Variants in TMEM201 observed in about 807,000 individuals in gnomAD.
TMEM201 encodes transmembrane protein 201.
Under a neutral mutation model 63.4 loss-of-function variants are expected in TMEM201, and 26 were observed. That is an observed-to-expected ratio of 0.41 (90% confidence interval 0.30 to 0.57). The LOEUF is 0.57. Ranked by LOEUF, TMEM201 falls within the 20% of genes least tolerant of loss-of-function variation. The pLI is 0.29. For missense variants in TMEM201, 794 were observed against 917.7 expected, an observed-to-expected ratio of 0.87 and a Z score of 1.74; for synonymous variants, 417 against 421.6, an observed-to-expected ratio of 0.99 and a Z score of 0.14.
At position 9,598,599 on chromosome 1, in the gene TMEM201, C is replaced by T. The variant is rs140267928; in HGVS notation, c.580C>T (p.Arg194Trp). ...ALLLSHQFKR[R>W]EADQTHAQNF... Reference sequence around the variant, plus strand: ...GTTGCTCAGCCACCAGTTCAAGCGCCGGGAGGCCGACCAGACCCACGCACA... The same window carrying T: ...GTTGCTCAGCCACCAGTTCAAGCGCTGGGAGGCCGACCAGACCCACGCACA... The change falls in exon 4 of 11, where the codon CGG becomes TGG. Residue 194 changes from arginine to tryptophan, a missense_variant. Transcript: ENST00000340381. 990 of 1,613,124 alleles carry T rather than the reference C, an allele frequency of 6.1e-4. 2 individuals are homozygous for T. Among genetic ancestry groups the T allele is most frequent in the Non-Finnish European group, 8.0e-4 (945 of 1,179,946 alleles).
intron 1 of TMEM201, among the ~76,000 whole-genome samples, chr1:9,590,051 A>G (rs1300107064): frequency 6.6e-6 from 1 of 152,188 alleles, no homozygotes; most frequent in Non-Finnish European, 1.5e-5. Context: ...AAAGAAGTAC[A>G]GGTGGTTGAG....
chr1:9,599,777 A>AT (rs1386083140), intron 4 of TMEM201, among the ~76,000 whole-genome samples: 1 of 151,438 alleles, frequency 6.6e-6, no homozygotes, highest in African/African-American at 2.4e-5. Flanking sequence ...CACCTGGCTA[A>AT]TTTTTTGTAT....
chr1:9,593,921 A>C (rs955822868), intron 1 of TMEM201, among the ~76,000 whole-genome samples: 3 of 152,236 alleles, frequency 2.0e-5, no homozygotes, highest in African/African-American at 7.2e-5. Context: ...AGTAATTAGC[A>C]CAGGGAAGTC....
At chr1:9,593,043 A>C (rs1036650297) in intron 1 of TMEM201, among the ~76,000 whole-genome samples, 2 of 152,150 alleles carry the variant, frequency 1.3e-5, no homozygotes, top group African/African-American at 4.8e-5. Flanking sequence ...TTAAGGACGG[A>C]GGTTGTTGGC....
intron 6 of TMEM201, chr1:9,602,883 C>A: frequency 1.0e-6 from 1 of 985,638 alleles, no homozygotes; most frequent in East Asian, 1.1e-4. Context: ...GTGAAGGAGG[C>A]CGAGCTGCAG....
chr1:9,604,420 G>A lies in TMEM201; in HGVS notation c.1160+2148G>A. On this transcript the variant is annotated intron_variant, in intron 6 of 10. Transcript: ENST00000340381. This position sits in a 1 kb window ranked among gnomAD's most constrained non-coding sequence, Gnocchi z 4.1. ...GTGTGACTTTTTAAATTATTCATGT[G>A]TCCCTTAAAAGTTTCACTACGTGGA... is the stretch of plus-strand genomic sequence containing the variant. 1 of 985,388 alleles carries A rather than the reference G, an allele frequency of 1.0e-6. No individual in the cohort carries two copies. Among genetic ancestry groups the A allele is most frequent in the Non-Finnish European group, 1.2e-6 (1 of 829,928 alleles). The allele number at this position is 985,388 out of a possible 1,614,324, so 61.0% of individuals were successfully genotyped here.
chr1:9,600,932 C>T (rs545289608), intron 4 of TMEM201, among the ~76,000 whole-genome samples, 173 bp from the exon 5 acceptor site: 1 of 152,248 alleles, frequency 6.6e-6, no homozygotes, highest in African/African-American at 2.4e-5. Flanking sequence ...AGCAGCACTC[C>T]TCCCCGCCCA....
Position 9,602,264 on chromosome 1 carries a change from G to T in TMEM201, c.1152G>T (p.Arg384=). 1 of 1,611,246 alleles carries T rather than the reference G, an allele frequency of 6.2e-7. No individual in the cohort carries two copies. The change falls in exon 6 of 11, where the codon CGG becomes CGT. Residue 384 remains arginine (R), a synonymous_variant. Transcript: ENST00000340381. ...TRKATGPRRF[R]PRRFFPGDSA... Reference sequence around the variant, plus strand: ...AGGCAACGGGCCCACGGAGGTTCCGGCCCCGAAGGTCAGAGAAGCAGCCAT... The same window carrying T: ...AGGCAACGGGCCCACGGAGGTTCCGTCCCCGAAGGTCAGAGAAGCAGCCAT...
intron 4 of TMEM201, among the ~76,000 whole-genome samples, chr1:9,600,786 G>C (rs976959218): frequency 1.3e-5 from 2 of 152,166 alleles, no homozygotes; most frequent in Admixed American, 6.5e-5. Flanking sequence ...TGAGTGTGGT[G>C]GTGGGCGCCT....
intron 7 of TMEM201, among the ~76,000 whole-genome samples, chr1:9,609,331 G>A (rs1474778021): frequency 6.6e-6 from 1 of 152,228 alleles, no homozygotes; most frequent in African/African-American, 2.4e-5. Context: ...TTGGAATTGG[G>A]GCCCCTGCCC....
rs1347373168 is a variant in TMEM201, at chr1:9,604,300, G to T, written c.1160+2028G>T. The T allele has an allele frequency of 2.0e-6, 2 of 985,314 alleles. No homozygotes were observed. Among genetic ancestry groups the T allele is most frequent in the Non-Finnish European group, 2.4e-6 (2 of 829,942 alleles). 61.0% of individuals were successfully genotyped at this position (985,314 alleles called of 1,614,324 possible). A position where few individuals can be genotyped will look rare whatever the true frequency, so the allele number is the denominator to read the frequency against. On this transcript the variant is annotated intron_variant, in intron 6 of 10. Coordinates refer to ENST00000340381, the MANE Select transcript of TMEM201 (RefSeq NM_001130924.3). The surrounding 1 kb of genome is among the most constrained non-coding windows in gnomAD (Gnocchi z 4.1). ...GCGCTGGCCAGGATCCTCCTGCCGAGCTGATGTCGCTCCTGCCCTCTGCCG... is the reference window on the plus strand; with the variant it reads ...GCGCTGGCCAGGATCCTCCTGCCGATCTGATGTCGCTCCTGCCCTCTGCCG...
In TMEM201 at chr1:9,607,518, T is replaced by A. The variant is rs947773852; in HGVS notation, c.1161-39T>A. 6.7e-7 allele frequency: 1 copy of A among 1,499,694 alleles called. No individual in the cohort carries two copies. The highest frequency in any genetic ancestry group is 2.0e-5 in the Admixed American group (1 of 49,328). 92.9% of individuals were successfully genotyped at this position (1,499,694 alleles called of 1,614,324 possible). On this transcript the variant is annotated intron_variant, in intron 6 of 10. Coordinates refer to ENST00000340381, the MANE Select transcript of TMEM201 (RefSeq NM_001130924.3). This position sits in a 1 kb window ranked among gnomAD's most constrained non-coding sequence, Gnocchi z 5.4. ...CAAGGCTGCCTCCAGGACCTCCCGC[T>A]GACCCTCTTCTTGTCCCGTGCCTGA...
At chr1:9,598,847 C>T (rs114126471) in intron 4 of TMEM201, among the ~76,000 whole-genome samples, 4,767 of 152,094 alleles carry the variant, frequency 0.031, 246 homozygotes, top group African/African-American at 0.11. Context: ...CGGGGTTTCT[C>T]CGTGTTGTTC....
At chr1:9,596,274 A>G (rs1334540580) in intron 2 of TMEM201, among the ~76,000 whole-genome samples, 1 of 152,182 alleles carries the variant, frequency 6.6e-6, no homozygotes, top group African/African-American at 2.4e-5. Context: ...ACACCACTAA[A>G]AGTGGCAGAT....
intron 1 of TMEM201, among the ~76,000 whole-genome samples, chr1:9,589,255 A>C (rs2100433921): frequency 6.6e-6 from 1 of 151,032 alleles, no homozygotes; most frequent in Non-Finnish European, 1.5e-5. Flanking sequence ...GACTCCGGGA[A>C]CGTGGGGCGC....
Position 9,596,017 on chromosome 1 carries a change from G to A in TMEM201, c.234+7G>A, listed in dbSNP as rs970468414. ...GTACAACGGCTTCCAGGAGGTGTGGGTCACAGGCAGGCGGACGGGTGGGCA... is the reference window on the plus strand; with the variant it reads ...GTACAACGGCTTCCAGGAGGTGTGGATCACAGGCAGGCGGACGGGTGGGCA... On this transcript the variant is annotated splice_region_variant and intron_variant, in intron 2 of 10. Coordinates refer to ENST00000340381, the MANE Select transcript of TMEM201 (RefSeq NM_001130924.3). 15 of 1,611,482 alleles carry A rather than the reference G, an allele frequency of 9.3e-6. No individual in the cohort carries two copies. The highest frequency in any genetic ancestry group is 1.3e-5 in the Non-Finnish European group (15 of 1,179,856).
Position 9,608,569 on chromosome 1 carries a change from G to A in TMEM201, c.1393+780G>A, listed in dbSNP as rs1329898969. On this transcript the variant is annotated intron_variant, in intron 7 of 10. Coordinates refer to ENST00000340381, the MANE Select transcript of TMEM201 (RefSeq NM_001130924.3). This position sits in a 1 kb window ranked among gnomAD's most constrained non-coding sequence, Gnocchi z 4.3. ...CCTATTTTCAGGGCACCCCAGCCTGGTGGCACTTGAATGGAACTTGGGGTG... is the reference window on the plus strand; with the variant it reads ...CCTATTTTCAGGGCACCCCAGCCTGATGGCACTTGAATGGAACTTGGGGTG... Among the ~76,000 whole-genome samples, 1 of 152,218 alleles carries A rather than the reference G, an allele frequency of 6.6e-6. No homozygotes were observed. Among genetic ancestry groups the A allele is most frequent in the East Asian group, 1.9e-4 (1 of 5,194 alleles).
rs1644178353 is a variant in TMEM201 at position 9,603,113 on chromosome 1, A to G, written c.1160+841A>G. ...CCTTCAGTGACATCAGGTCGTTGTC[A>G]TCCTTTCCCTCCCTGACCTGTCACG... On this transcript the variant is annotated intron_variant, in intron 6 of 10. Coordinates refer to ENST00000340381, the MANE Select transcript of TMEM201 (RefSeq NM_001130924.3). The surrounding 1 kb of genome is among the most constrained non-coding windows in gnomAD (Gnocchi z 4.5). 3.0e-6 allele frequency: 3 copies of G among 985,294 alleles called. No individual in the cohort carries two copies. Among genetic ancestry groups the G allele is most frequent in the Non-Finnish European group, 3.6e-6 (3 of 829,970 alleles). The allele number at this position is 985,294 out of a possible 1,614,324, so 61.0% of individuals were successfully genotyped here. A position where few individuals can be genotyped will look rare whatever the true frequency, so the allele number is the denominator to read the frequency against.
intron 6 of TMEM201, chr1:9,606,410 C>T (rs1644244637): frequency 6.6e-6 from 1 of 152,260 alleles, no homozygotes; most frequent in South Asian, 2.1e-4. Context: ...AGAAAGGTTA[C>T]ATGATTCTCC....
Sources: allele counts gnomAD v4.1 joint callset (sites outside exome capture counted in the v4.1 genomes callset), GRCh38; gene constraint gnomAD v4.1.1; non-coding constraint Gnocchi (gnomAD v3.1); transcripts MANE v1.5; gene names NCBI Gene and HGNC (gene_info 2026-07-23, HGNC 2026-07-21).